CYRIB: variants seen among roughly 807,000 people sequenced by gnomAD.
CYRIB encodes the protein CYFIP-related Rac1 interactor B.
In CYRIB, 8 loss-of-function variants were observed where a neutral mutation model predicts 44.2. That is an observed-to-expected ratio of 0.18 (90% CI 0.11 to 0.33). The LOEUF (loss-of-function observed/expected upper bound fraction) is 0.33, where lower values mean the gene tolerates loss of function less well. Ranked by LOEUF, CYRIB falls within the 10% of genes least tolerant of loss-of-function variation. The pLI is 1.00. For missense variants in CYRIB, 185 were observed against 382.8 expected (o/e 0.48, Z 4.31); for synonymous variants, 131 against 127.2 (o/e 1.03, Z -0.20).
chr8:129,844,953 T>A (rs1166817211), intron 11 of CYRIB, among the ~76,000 whole-genome samples: 1 of 152,228 alleles, frequency 6.6e-6, no homozygotes, highest in African/African-American at 2.4e-5. Flanking sequence ...CTGATTTTGT[T>A]GTTTCTAAAA....
chr8:129,982,195 A>G (rs931331380), intron 1 of CYRIB, among the ~76,000 whole-genome samples: 7 of 151,940 alleles, frequency 4.6e-5, no homozygotes, highest in Admixed American at 1.3e-4. Flanking sequence ...CCCTTCTCTA[A>G]CTGTCCTCCA....
chr8:129,991,022 C>CT (rs2096618762), intron 1 of CYRIB, among the ~76,000 whole-genome samples: 1 of 151,182 alleles, frequency 6.6e-6, no homozygotes, highest in Admixed American at 6.6e-5. Flanking sequence ...ATCCCAGCTA[C>CT]TCGGGAGGCT....
At chr8:129,907,601 C>CTA (rs887301568) in intron 1 of CYRIB, among the ~76,000 whole-genome samples, 33 of 151,944 alleles carry the variant, frequency 2.2e-4, no homozygotes, top group African/African-American at 6.8e-4. Flanking sequence ...ATTTAAAAAA[C>CTA]TATATATATA....
chr8:129,908,444 A>C (rs1471662304), intron 1 of CYRIB, among the ~76,000 whole-genome samples: 2 of 152,196 alleles, frequency 1.3e-5, no homozygotes, highest in African/African-American at 4.8e-5. Flanking sequence ...AATTATTTAA[A>C]TTATTAAGTT....
intron 5 of CYRIB, among the ~76,000 whole-genome samples, chr8:129,857,314 G>A (rs1414576318): frequency 6.6e-6 from 1 of 152,144 alleles, no homozygotes; most frequent in Non-Finnish European, 1.5e-5. Flanking sequence ...GGAAGGCCCA[G>A]GAAAAGATCT....
At chr8:129,888,103 G>A (rs544209431) in intron 2 of CYRIB, among the ~76,000 whole-genome samples, 4 of 152,182 alleles carry the variant, frequency 2.6e-5, no homozygotes, top group Non-Finnish European at 4.4e-5. Context: ...AATTTCATGA[G>A]TGTTGGAGAA....
intron 1 of CYRIB, among the ~76,000 whole-genome samples, chr8:129,985,395 A>ACC (rs368182796): frequency 1.3e-5 from 2 of 151,044 alleles, no homozygotes; most frequent in African/African-American, 4.9e-5. Context: ...TGCCTTACTC[A>ACC]CCCCCTTGAA....
intron 1 of CYRIB, among the ~76,000 whole-genome samples, chr8:130,006,596 A>ATATATATATATATACACACATATATATG: frequency 2.3e-5 from 1 of 42,782 alleles, no homozygotes. Flanking sequence ...AACACAAATT[A>ATATATATATATATACACACATATATATG]TATATATATA....
chr8:130,006,636 A>G (rs1397628151), intron 1 of CYRIB, among the ~76,000 whole-genome samples: 13 of 124,984 alleles, frequency 1.0e-4, no homozygotes, highest in African/African-American at 3.7e-4. Context: ...ATACATATAT[A>G]TGTGTATATA....
chr8:129,880,427 G>A (rs1439046548), intron 2 of CYRIB: 2 of 985,708 alleles, frequency 2.0e-6, no homozygotes, highest in Non-Finnish European at 2.4e-6. Flanking sequence ...TCCCTGGTTA[G>A]CACCTTAATG....
At position 129,879,946 on chromosome 8, in the gene CYRIB, C is replaced by T. The variant is rs975740341; in HGVS notation, c.-10-475G>A. On this transcript the variant is annotated intron_variant, in intron 2 of 11. Coordinates refer to ENST00000519824, the Ensembl canonical transcript of CYRIB. ...CAGTATAAAACTTTCTTCCTGCATG[C>T]GGTTCAATAAAGCATATATTTCTAA... is the stretch of plus-strand genomic sequence containing the variant. 2.6e-5 allele frequency among the ~76,000 whole-genome samples: 4 copies of T among 152,228 alleles called. No individual in the cohort carries two copies. In the South Asian group the frequency reaches 6.2e-4, roughly 24 times the overall value.
upstream of CYRIB, among the ~76,000 whole-genome samples, chr8:129,941,575 G>A (rs191581376): frequency 6.6e-6 from 1 of 152,112 alleles, no homozygotes; most frequent in East Asian, 1.9e-4. Context: ...CCCCCAGCTG[G>A]AGATGATGTT....
intron 1 of CYRIB, chr8:130,004,443 C>T (rs1048713787): frequency 6.6e-6 from 1 of 151,976 alleles, no homozygotes. Context: ...ACTCAAAGGG[C>T]CAAATGCTTT....
At chr8:129,919,768 T>C (rs2082610568) in intron 1 of CYRIB, among the ~76,000 whole-genome samples, 1 of 152,194 alleles carries the variant, frequency 6.6e-6, no homozygotes, top group Non-Finnish European at 1.5e-5. Context: ...AATCTTCTCC[T>C]ATACAAAGCA....
chr8:129,857,105 C>CT (rs1015295517), intron 5 of CYRIB, among the ~76,000 whole-genome samples: 1 of 152,014 alleles, frequency 6.6e-6, no homozygotes, highest in African/African-American at 2.4e-5. Flanking sequence ...AGCTATTATC[C>CT]TTTTTTTTCC....
At chr8:129,978,083 ATTT>A (rs1293186296) in intron 1 of CYRIB, among the ~76,000 whole-genome samples, 1 of 149,668 alleles carries the variant, frequency 6.7e-6, no homozygotes, top group Admixed American at 6.7e-5. Context: ...ACCATGCCTA[ATTT>A]TTTTTTTATT....
intron 2 of CYRIB, among the ~76,000 whole-genome samples, chr8:129,897,876 C>T (rs1400397502): frequency 6.6e-6 from 1 of 152,010 alleles, no homozygotes; most frequent in East Asian, 1.9e-4. Flanking sequence ...AGTGATTCTC[C>T]TGCCTCAGCC....
At chr8:129,895,116 T>G (rs1378459314) in intron 2 of CYRIB, among the ~76,000 whole-genome samples, 51 of 7,586 alleles carry the variant, frequency 6.7e-3, no homozygotes, top group Non-Finnish European at 0.014. Flanking sequence ...TCGGCGGGGT[T>G]GGGGTGGGGG....
At chr8:129,961,513 G>A (rs935023864) in intron 2 of CYRIB, among the ~76,000 whole-genome samples, 1 of 152,180 alleles carries the variant, frequency 6.6e-6, no homozygotes, top group East Asian at 1.9e-4. Flanking sequence ...AGAGGGGTGG[G>A]ACTAGTGCAA....
Sources: gnomAD v4.1 joint callset for allele counts (sites outside exome capture counted in the v4.1 genomes callset) on GRCh38, gnomAD v4.1.1 for gene constraint, MANE v1.5 for transcripts, NCBI Gene and HGNC (gene_info 2026-07-23, HGNC 2026-07-21) for gene names.